Variants in AACS observed in about 807,000 individuals in gnomAD.
AACS encodes the protein acetoacetyl-CoA synthetase, also known as acetoacetate-CoA ligase.
In AACS, 69 loss-of-function variants were observed where a neutral mutation model predicts 83.1. The observed-to-expected ratio is 0.83, with a 90% CI of 0.68 to 1.01. The LOEUF (loss-of-function observed/expected upper bound fraction) is 1.01. Ranked by LOEUF, AACS falls within the 50% of genes least tolerant of loss-of-function variation. The pLI is 0.00. For synonymous variants in AACS, 333 were observed against 343.4 expected, an observed-to-expected ratio of 0.97 and a Z score of 0.33; for missense variants, 866 against 882.2, an observed-to-expected ratio of 0.98 and a Z score of 0.23.
chr12:125,068,901 G>A (rs959371975), intron 1 of AACS, among the ~76,000 whole-genome samples: 27 of 150,912 alleles, frequency 1.8e-4, no homozygotes, highest in Non-Finnish European at 8.8e-5. Context: ...GTGTGGTGGC[G>A]CGATCTCGGC....
rs1425838495 is a variant in AACS, at chr12:125,142,219, A to G, written c.2009A>G (p.Gln670Arg). ...LDLYRDIPEL[Q>R]GF is the part of the protein sequence containing the mutation. ...CTGTACCGGGACATCCCTGAGCTGC[A>G]GGGCTTCTGAGTCAGACTGGCTGGC... The change falls in exon 18 of 18, where the codon CAG (glutamine) becomes CGG (arginine). Residue 670 changes from glutamine (Q) to arginine (R), a missense_variant. Coordinates refer to ENST00000316519, the MANE Select transcript of AACS (RefSeq NM_023928.5). The G allele has an allele frequency of 6.2e-7, 1 of 1,613,958 alleles. No individual in the cohort carries two copies. The highest frequency in any genetic ancestry group is 2.2e-5 in the East Asian group (1 of 44,878).
intron 1 of AACS, among the ~76,000 whole-genome samples, chr12:125,066,180 T>C (rs1289321174): frequency 1.3e-5 from 2 of 152,134 alleles, no homozygotes; most frequent in African/African-American, 4.8e-5. Flanking sequence ...CATCTCCAGC[T>C]GCCCCTGCTG....
At chr12:125,091,622 G>C (rs1008258175) in intron 5 of AACS, 99 bp downstream of exon 5, 16 of 1,262,804 alleles carry the variant, frequency 1.3e-5, no homozygotes, top group Admixed American at 7.4e-5. Flanking sequence ...GGACAGCAGC[G>C]TGAGCCCAGC....
chr12:125,141,091 G>A (rs1367350911), intron 17 of AACS: 2 of 152,200 alleles, frequency 1.3e-5, no homozygotes, highest in South Asian at 2.1e-4. Flanking sequence ...TTTCATTCGA[G>A]GAAGTGAACT....
At chr12:125,139,968 C>T (rs1274239923) in intron 17 of AACS, 1 of 152,260 alleles carries the variant, frequency 6.6e-6, no homozygotes, top group African/African-American at 2.4e-5. Flanking sequence ...ACCCATCTTA[C>T]TTCCTCTTAT....
At chr12:125,127,318 A>G (rs1202306139) in intron 12 of AACS, 2 of 152,124 alleles carry the variant, frequency 1.3e-5, no homozygotes, top group Non-Finnish European at 2.9e-5. Context: ...AACGTGACTC[A>G]CTCATTTTCG....
At chr12:125,137,612 C>T (rs1957419050) in intron 17 of AACS, among the ~76,000 whole-genome samples, 2 of 152,214 alleles carry the variant, frequency 1.3e-5, no homozygotes, top group Admixed American at 6.5e-5. Context: ...ATCCCCCAGC[C>T]CCTGGCCCCA....
chr12:125,127,890 A>G, intron 12 of AACS: 1 of 277,478 alleles, frequency 3.6e-6, no homozygotes, highest in Non-Finnish European at 6.7e-6. Context: ...GAATTTCAGC[A>G]TGACCACAGG....
At chr12:125,124,455 A>G in intron 10 of AACS, 1 of 548,012 alleles carries the variant, frequency 1.8e-6, no homozygotes, top group Admixed American at 3.2e-5. Flanking sequence ...CGACTGTTTT[A>G]TGTGACGCCT....
intron 5 of AACS, 129 bp from the exon 6 acceptor site, chr12:125,102,550 G>A: frequency 1.3e-6 from 1 of 768,666 alleles, no homozygotes; most frequent in East Asian, 2.6e-5. Context: ...CTCCAACCTT[G>A]AACTCCTGGG....
chr12:125,089,080 C>G (rs1255859669), intron 4 of AACS, among the ~76,000 whole-genome samples: 3 of 152,170 alleles, frequency 2.0e-5, no homozygotes, highest in Non-Finnish European at 4.4e-5. Context: ...CACATGGAGT[C>G]AGATGGTTAA....
In AACS at chr12:125,142,210, C is replaced by G; in HGVS notation, c.2000C>G (p.Pro667Arg). 6.2e-7 allele frequency: 1 copy of G among 1,614,146 alleles called. No individual in the cohort carries two copies. The highest frequency in any genetic ancestry group is 8.5e-7 in the Non-Finnish European group (1 of 1,180,016). ...PETLDLYRDI[P>R]ELQGF ...ACCCTGGATCTGTACCGGGACATCCCTGAGCTGCAGGGCTTCTGAGTCAGA... is the reference window on the plus strand; with the variant it reads ...ACCCTGGATCTGTACCGGGACATCCGTGAGCTGCAGGGCTTCTGAGTCAGA... Residue 667 changes from proline to arginine, a missense_variant, in exon 18 of 18, where the codon CCT becomes CGT. Coordinates refer to ENST00000316519, the MANE Select transcript of AACS (RefSeq NM_023928.5).
chr12:125,084,952 A>G (rs1956297155), intron 3 of AACS, among the ~76,000 whole-genome samples: 1 of 152,112 alleles, frequency 6.6e-6, no homozygotes, highest in Non-Finnish European at 1.5e-5. Context: ...ACCTCATGTG[A>G]TCTTCCTGCC....
At chr12:125,093,505 T>C (rs1242743951) in intron 5 of AACS, among the ~76,000 whole-genome samples, 1 of 152,176 alleles carries the variant, frequency 6.6e-6, no homozygotes, top group African/African-American at 2.4e-5. Flanking sequence ...GATGCATGGC[T>C]CTGTAGCAAA....
At chr12:125,084,315 C>T (rs1249392235) in intron 3 of AACS, among the ~76,000 whole-genome samples, 1 of 144,666 alleles carries the variant, frequency 6.9e-6, no homozygotes, top group Non-Finnish European at 1.5e-5. Flanking sequence ...AAGACTCCAT[C>T]TCAAAAAAAA....
chr12:125,072,157 C>T (rs1205354876), intron 1 of AACS, among the ~76,000 whole-genome samples: 1 of 136,514 alleles, frequency 7.3e-6, no homozygotes, highest in African/African-American at 2.7e-5. Flanking sequence ...GCTCCTGGCG[C>T]TTTTTTTTTT....
chr12:125,088,758 T>C (rs1274222270), intron 4 of AACS, among the ~76,000 whole-genome samples: 1 of 152,230 alleles, frequency 6.6e-6, no homozygotes. Context: ...CTGTGAGCTA[T>C]GCTTTCTTTG....
chr12:125,105,603 G>A (rs556293729), intron 7 of AACS: 1 of 152,168 alleles, frequency 6.6e-6, no homozygotes, highest in Non-Finnish European at 1.5e-5. Flanking sequence ...TAAAATGAGG[G>A]CATCCAGCAG....
intron 9 of AACS, among the ~76,000 whole-genome samples, chr12:125,116,962 C>T (rs560094284): frequency 6.8e-6 from 1 of 147,970 alleles, no homozygotes; most frequent in African/African-American, 2.5e-5. Context: ...TTCTTGTTTT[C>T]TTTTGACAGT....
Sources: gnomAD v4.1 joint callset for allele counts (sites outside exome capture counted in the v4.1 genomes callset) on GRCh38, gnomAD v4.1.1 for gene constraint, MANE v1.5 for transcripts, NCBI Gene and HGNC (gene_info 2026-07-23, HGNC 2026-07-21) for gene names.